FOXP1: variants seen among roughly 807,000 people sequenced by gnomAD.
FOXP1 encodes the protein forkhead box protein P1.
A neutral mutation model predicts 98.2 loss-of-function variants in FOXP1; 15 were observed. The ratio of observed to expected loss-of-function variants is 0.15; its 90% CI spans 0.10 to 0.24. The LOEUF (loss-of-function observed/expected upper bound fraction) is 0.24, where lower values mean the gene tolerates loss of function less well. Among genes scored for constraint, FOXP1 ranks in the 10% least tolerant of loss-of-function variants. The pLI, the probability that FOXP1 is intolerant of heterozygous loss-of-function variation, is 1.00. For missense variants in FOXP1, 633 were observed against 848.5 expected, an observed-to-expected ratio of 0.75 and a Z score of 3.15; for synonymous variants, 371 against 314.5, an observed-to-expected ratio of 1.18 and a Z score of -1.90.
chr3:71,028,310 A>G (rs1338284195), intron 11 of FOXP1, among the ~76,000 whole-genome samples: 1 of 152,186 alleles, frequency 6.6e-6, no homozygotes, highest in East Asian at 1.9e-4. Context: ...ATGCCACACC[A>G]TAAGGATACC....
chr3:71,551,337 A>G (rs1224236636), intron 2 of FOXP1, among the ~76,000 whole-genome samples: 1 of 152,262 alleles, frequency 6.6e-6, no homozygotes, highest in Non-Finnish European at 1.5e-5. Flanking sequence ...TCTGAACACA[A>G]CAATATTTAA....
chr3:71,401,093 A>AT (rs1339434447), intron 3 of FOXP1, among the ~76,000 whole-genome samples: 1 of 152,172 alleles, frequency 6.6e-6, no homozygotes, highest in Non-Finnish European at 1.5e-5. Context: ...TTAAAATTTT[A>AT]TTTTTTCTAA....
intron 5 of FOXP1, among the ~76,000 whole-genome samples, chr3:71,213,872 C>T (rs868395725): frequency 2.0e-5 from 3 of 152,108 alleles, no homozygotes; most frequent in South Asian, 4.1e-4. Flanking sequence ...TCAAATCTTA[C>T]AAACACATAA....
intron 3 of FOXP1, among the ~76,000 whole-genome samples, chr3:71,488,149 A>G (rs1297155580): frequency 1.3e-5 from 2 of 152,108 alleles, no homozygotes; most frequent in African/African-American, 4.8e-5. Context: ...ACATTATCCA[A>G]TGAATTTATA....
chr3:70,970,820 C>T lies in FOXP1; in HGVS notation c.1653-15G>A. 6.2e-7 allele frequency: 1 copy of T among 1,604,082 alleles called. No individual in the cohort carries two copies. Among genetic ancestry groups the T allele is most frequent in the Middle Eastern group, 1.7e-4 (1 of 6,050 alleles). ...GGGAAGGGTTACTGTGTAAGAAAAA[C>T]ATAAAAACTCAAAGTTAAACACAGT... On this transcript the variant is annotated splice_polypyrimidine_tract_variant and intron_variant, in intron 18 of 20. Coordinates refer to ENST00000649528, the MANE Select transcript of FOXP1 (RefSeq NM_001349338.3).
chr3:71,158,105 A>AAGGAAGGGAGGAAGGAAGGGAGGGAGGG (rs1443906018), intron 6 of FOXP1, among the ~76,000 whole-genome samples: 7 of 34,078 alleles, frequency 2.1e-4, no homozygotes, highest in East Asian at 1.6e-3. Flanking sequence ...GGAAGGAAGG[A>AAGGAAGGGAGGAAGGAAGGGAGGGAGGG]AGGGAGGGAG....
chr3:71,311,354 T>A (rs2074669161), intron 4 of FOXP1, among the ~76,000 whole-genome samples: 1 of 152,202 alleles, frequency 6.6e-6, no homozygotes. Context: ...CCTCCCAAAG[T>A]GCTGGGATTA....
At chr3:71,408,392 T>C (rs1211629697) in intron 3 of FOXP1, among the ~76,000 whole-genome samples, 1 of 152,180 alleles carries the variant, frequency 6.6e-6, no homozygotes. Context: ...CCAAGCAAGT[T>C]GAAAACCAGC....
intron 5 of FOXP1, among the ~76,000 whole-genome samples, chr3:71,211,429 C>T (rs951548108): frequency 6.6e-6 from 1 of 152,122 alleles, no homozygotes; most frequent in Non-Finnish European, 1.5e-5. Context: ...TGGTCTCCAA[C>T]TCCTGACCTC....
intron 13 of FOXP1, among the ~76,000 whole-genome samples, chr3:70,994,902 T>A (rs147556797): frequency 0.012 from 1,878 of 152,192 alleles, 52 homozygotes; most frequent in African/African-American, 0.043. Context: ...TCAGAAAAAA[T>A]ATACAGCAGT....
chr3:71,516,194 T>A (rs1425353786), intron 2 of FOXP1, among the ~76,000 whole-genome samples: 2 of 152,112 alleles, frequency 1.3e-5, no homozygotes, highest in Non-Finnish European at 2.9e-5. Context: ...AACGGCCTTG[T>A]AAGGAAATAC....
intron 5 of FOXP1, among the ~76,000 whole-genome samples, chr3:71,227,652 C>G (rs576464701): frequency 2.6e-4 from 40 of 151,648 alleles, no homozygotes; most frequent in Middle Eastern, 3.4e-3. Flanking sequence ...TGTTCTCTTA[C>G]AGGTCTTTCT....
chr3:71,226,433 A>C (rs2065837733), intron 5 of FOXP1, among the ~76,000 whole-genome samples: 1 of 152,066 alleles, frequency 6.6e-6, no homozygotes. Flanking sequence ...TGCCAGCCTC[A>C]CTGCTCAACT....
intron 3 of FOXP1, among the ~76,000 whole-genome samples, chr3:71,425,372 C>T (rs563360572): frequency 7.9e-5 from 12 of 152,120 alleles, no homozygotes; most frequent in Non-Finnish European, 1.6e-4. Flanking sequence ...GTGATCCACC[C>T]GCCTTGGCCT....
chr3:71,471,121 A>G (rs933998754), intron 3 of FOXP1, among the ~76,000 whole-genome samples: 15 of 152,176 alleles, frequency 9.9e-5, no homozygotes, highest in Admixed American at 9.8e-4. Context: ...TTCAACAACT[A>G]TTTACTGCAT....
At chr3:71,201,587 C>T (rs564412663) in intron 5 of FOXP1, among the ~76,000 whole-genome samples, 1 of 151,382 alleles carries the variant, frequency 6.6e-6, no homozygotes, top group South Asian at 2.1e-4. Flanking sequence ...GCAGAGGTTG[C>T]AGTGAGCAGA....
chr3:71,374,520 G>A (rs1324423357), intron 3 of FOXP1, among the ~76,000 whole-genome samples: 1 of 151,882 alleles, frequency 6.6e-6, no homozygotes, highest in South Asian at 2.1e-4. Flanking sequence ...TTGAACCTGG[G>A]AGAAAGAGGT....
chr3:70,967,694 TTTTTTG>T (rs1479832760), intron 19 of FOXP1, among the ~76,000 whole-genome samples: 1 of 109,718 alleles, frequency 9.1e-6, no homozygotes, highest in Non-Finnish European at 1.8e-5. Flanking sequence ...TTTGTTTTTT[TTTTTTG>T]TTTTTTTTTG....
intron 2 of FOXP1, among the ~76,000 whole-genome samples, chr3:71,517,075 T>C (rs1287444244): frequency 6.6e-6 from 1 of 152,188 alleles, no homozygotes; most frequent in Non-Finnish European, 1.5e-5. Context: ...GCCACATTAG[T>C]TGGTCCTGAG....
Sources: allele counts gnomAD v4.1 joint callset (sites outside exome capture counted in the v4.1 genomes callset), GRCh38; gene constraint gnomAD v4.1.1; transcripts MANE v1.5; gene names NCBI Gene and HGNC (gene_info 2026-07-23, HGNC 2026-07-21).